Variants in GRAMD2B observed in about 807,000 individuals in gnomAD.
GRAMD2B encodes the protein GRAM domain containing 2B.
In GRAMD2B, 41 loss-of-function variants were observed where a neutral mutation model predicts 59.2. The ratio of observed to expected loss-of-function variants is 0.69; its 90% CI spans 0.54 to 0.90. GRAMD2B has a LOEUF of 0.90. GRAMD2B is among the 40% of genes least tolerant of loss of function. The probability of loss-of-function intolerance (pLI) is 0.00; values close to 1 mark genes in which losing one functional copy is unlikely to be tolerated. For missense variants in GRAMD2B, 424 were observed against 500.5 expected (o/e 0.85, Z 1.46); for synonymous variants, 161 against 182.7 (o/e 0.88, Z 0.96).
chr5:126,428,475 T>C (rs1439677917), intron 1 of GRAMD2B, among the ~76,000 whole-genome samples: 1 of 152,070 alleles, frequency 6.6e-6, no homozygotes, highest in African/African-American at 2.4e-5. Flanking sequence ...TTGAAAAAAA[T>C]ATATAGTGAA....
chr5:126,421,200 T>C (rs1289501495), upstream of GRAMD2B, among the ~76,000 whole-genome samples: 1 of 152,182 alleles, frequency 6.6e-6, no homozygotes, highest in Non-Finnish European at 1.5e-5. Flanking sequence ...GTGAAAGTGT[T>C]GAATGCCACT....
chr5:126,368,902 C>A (rs1327137909), upstream of GRAMD2B, among the ~76,000 whole-genome samples: 1 of 152,218 alleles, frequency 6.6e-6, no homozygotes, highest in African/African-American at 2.4e-5. Flanking sequence ...GGGACCAACT[C>A]ATCTCATTCT....
chr5:126,491,976 G>T (rs1250403516), intron 13 of GRAMD2B, among the ~76,000 whole-genome samples: 1 of 152,088 alleles, frequency 6.6e-6, no homozygotes, highest in Non-Finnish European at 1.5e-5. Context: ...CTCGTGATCT[G>T]CCCACTTCAT....
intron 1 of GRAMD2B, among the ~76,000 whole-genome samples, chr5:126,457,865 T>C (rs774658075): frequency 3.9e-5 from 6 of 152,028 alleles, no homozygotes; most frequent in Admixed American, 3.9e-4. Context: ...TTGCAAGGAT[T>C]TGGACTCTGA....
At chr5:126,411,687 G>A (rs145293279) in intron 1 of GRAMD2B, among the ~76,000 whole-genome samples, 528 of 151,966 alleles carry the variant, frequency 3.5e-3, no homozygotes, top group African/African-American at 0.01. Context: ...TGTAGATTGC[G>A]TTGGGTAGTA....
chr5:126,422,412 T>C (rs1209518493), upstream of GRAMD2B, among the ~76,000 whole-genome samples: 3 of 152,192 alleles, frequency 2.0e-5, no homozygotes, highest in African/African-American at 7.2e-5. Flanking sequence ...TTGGCCATGC[T>C]AGTCTCGAAC....
chr5:126,387,545 A>G (rs1360672349), intron 1 of GRAMD2B, among the ~76,000 whole-genome samples: 2 of 150,952 alleles, frequency 1.3e-5, no homozygotes, highest in African/African-American at 4.8e-5. Flanking sequence ...AACAAGAAAT[A>G]TATATATTTA....
At chr5:126,472,648 A>G (rs1406502846) in intron 4 of GRAMD2B, among the ~76,000 whole-genome samples, 2 of 144,828 alleles carry the variant, frequency 1.4e-5, no homozygotes, top group East Asian at 3.9e-4. Flanking sequence ...AGAAGGCTAA[A>G]AGAAAACTCA....
chr5:126,464,946 A>C, intron 1 of GRAMD2B: 2 of 489,680 alleles, frequency 4.1e-6, no homozygotes, highest in Non-Finnish European at 5.3e-6. Flanking sequence ...TGTAAAGATT[A>C]GAGACTGTAA....
chr5:126,426,332 A>G (rs73334407), intron 1 of GRAMD2B, among the ~76,000 whole-genome samples: 3,250 of 151,884 alleles, frequency 0.021, 104 homozygotes, highest in African/African-American at 0.071. Flanking sequence ...CTAGAAATCA[A>G]CTCAAGTTTT....
intron 1 of GRAMD2B, among the ~76,000 whole-genome samples, chr5:126,381,522 G>A (rs946829576): frequency 6.6e-6 from 1 of 152,018 alleles, no homozygotes; most frequent in Non-Finnish European, 1.5e-5. Context: ...ACTTACTTTT[G>A]GTGTCCATTT....
intron 1 of GRAMD2B, among the ~76,000 whole-genome samples, chr5:126,412,832 A>G (rs761019066): frequency 2.0e-5 from 3 of 151,854 alleles, no homozygotes; most frequent in Non-Finnish European, 4.4e-5. Flanking sequence ...TCCTGATTCA[A>G]TCTTGGGGAC....
At chr5:126,484,300 CT>C in intron 9 of GRAMD2B, 101 bp from the exon 10 acceptor site, 1 of 1,358,282 alleles carries the variant, frequency 7.4e-7, no homozygotes, top group Non-Finnish European at 1.0e-6. Context: ...CATTCACATT[CT>C]TGACCATTAT....
intron 1 of GRAMD2B, among the ~76,000 whole-genome samples, chr5:126,417,305 A>G (rs1419638937): frequency 6.6e-6 from 1 of 152,208 alleles, no homozygotes; most frequent in Non-Finnish European, 1.5e-5. Flanking sequence ...TATAGGACAC[A>G]TGGTCTGGAG....
intron 2 of GRAMD2B, among the ~76,000 whole-genome samples, chr5:126,468,283 G>A (rs1768850931): frequency 2.0e-5 from 3 of 152,154 alleles, no homozygotes; most frequent in Admixed American, 2.0e-4. Context: ...TCTGACCTCT[G>A]TGCTTAACAG....
At chr5:126,463,401 G>A (rs1767718532) in intron 1 of GRAMD2B, among the ~76,000 whole-genome samples, 1 of 151,998 alleles carries the variant, frequency 6.6e-6, no homozygotes, top group African/African-American at 2.4e-5. Flanking sequence ...TGTGTCTTGG[G>A]GGAAGCGAAA....
chr5:126,428,094 G>C lies in GRAMD2B; in HGVS notation c.83+4405G>C, dbSNP rs185742572. Among the ~76,000 whole-genome samples the C allele has an allele frequency of 5.9e-5, 9 of 152,112 alleles. No homozygotes were observed. In the East Asian group the frequency reaches 1.7e-3, roughly 29 times the overall value. ...CTATAAATACAAAAATTAACCAGGC[G>C]TGATGGTTCATGCCTGTAATCCCAA... On this transcript the variant is annotated intron_variant, in intron 1 of 13. Transcript: ENST00000285689.
intron 9 of GRAMD2B, among the ~76,000 whole-genome samples, chr5:126,484,108 G>A (rs1336467799): frequency 2.6e-5 from 4 of 152,164 alleles, no homozygotes; most frequent in African/African-American, 9.7e-5. Context: ...GATTACAGGC[G>A]TGAGCCACCG....
At chr5:126,360,875 A>T (rs1163834823) in intron 1 of GRAMD2B, among the ~76,000 whole-genome samples, 1 of 152,192 alleles carries the variant, frequency 6.6e-6, no homozygotes, top group African/African-American at 2.4e-5. Context: ...AACTAGGATT[A>T]TAAGATATTT....
Sources: gnomAD v4.1 joint callset for allele counts (sites outside exome capture counted in the v4.1 genomes callset) on GRCh38, gnomAD v4.1.1 for gene constraint, MANE v1.5 for transcripts, NCBI Gene and HGNC (gene_info 2026-07-23, HGNC 2026-07-21) for gene names.